FGD5: variants seen among roughly 807,000 people sequenced by gnomAD.
FGD5 encodes the protein FYVE, RhoGEF and PH domain-containing protein 5.
Under a neutral mutation model 133.4 loss-of-function variants are expected in FGD5, and 28 were observed. The ratio of observed to expected loss-of-function variants is 0.21; its 90% CI spans 0.16 to 0.29. The LOEUF is 0.29. Ranked by LOEUF, FGD5 falls within the 10% of genes least tolerant of loss-of-function variation. FGD5 has a pLI of 1.00. For missense variants in FGD5, 1,858 were observed against 1,895.2 expected (o/e 0.98, Z 0.36); for synonymous variants, 810 against 776.5 (o/e 1.04, Z -0.72).
At chr3:14,850,610 G>A (rs575349784) in intron 1 of FGD5, among the ~76,000 whole-genome samples, 3 of 152,300 alleles carry the variant, frequency 2.0e-5, no homozygotes, top group East Asian at 1.9e-4. Flanking sequence ...CCTACTGTGT[G>A]CACTTCATGG....
At chr3:14,916,717 C>T (rs563720466) in intron 11 of FGD5, among the ~76,000 whole-genome samples, 1 of 152,336 alleles carries the variant, frequency 6.6e-6, no homozygotes, top group African/African-American at 2.4e-5. Context: ...TCTCCCAACC[C>T]TGGGGGCCCC....
chr3:14,870,804 A>T (rs1300986969), intron 2 of FGD5, among the ~76,000 whole-genome samples: 1 of 151,920 alleles, frequency 6.6e-6, no homozygotes, highest in Non-Finnish European at 1.5e-5. Flanking sequence ...TCCCATACCA[A>T]GCTCATCCTC....
At chr3:14,829,679 T>C (rs1404922596) in intron 1 of FGD5, among the ~76,000 whole-genome samples, 2 of 152,198 alleles carry the variant, frequency 1.3e-5, no homozygotes, top group Admixed American at 1.3e-4. Context: ...ATTCAGTCTT[T>C]AAGAGTAAAG....
chr3:14,878,194 T>A (rs760313583), intron 2 of FGD5, among the ~76,000 whole-genome samples: 27 of 152,200 alleles, frequency 1.8e-4, no homozygotes, highest in Admixed American at 4.6e-4. Context: ...AGCCAGTGTG[T>A]GAGACCGGGT....
At chr3:14,828,227 A>G (rs2036639583) in intron 1 of FGD5, among the ~76,000 whole-genome samples, 1 of 152,158 alleles carries the variant, frequency 6.6e-6, no homozygotes, top group Non-Finnish European at 1.5e-5. Context: ...ACTGAAATGC[A>G]AGGTAGAAAA....
chr3:14,884,093 C>T (rs931943149), intron 4 of FGD5, among the ~76,000 whole-genome samples: 15 of 152,202 alleles, frequency 9.9e-5, no homozygotes, highest in South Asian at 2.1e-4. Context: ...AGGACCAGAT[C>T]GAGAAGTACC....
chr3:14,860,254 C>G (rs1294689831), intron 1 of FGD5, among the ~76,000 whole-genome samples: 1 of 152,206 alleles, frequency 6.6e-6, no homozygotes, highest in Admixed American at 6.5e-5. Context: ...CCCAATGGCC[C>G]CATCAATGAG....
intron 2 of FGD5, among the ~76,000 whole-genome samples, chr3:14,868,909 T>C (rs562186612): frequency 2.0e-5 from 3 of 152,318 alleles, no homozygotes; most frequent in Non-Finnish European, 4.4e-5. Flanking sequence ...AGTCCCTGCC[T>C]GCCCTGTTGG....
At chr3:14,868,168 C>G (rs900419857) in intron 2 of FGD5, among the ~76,000 whole-genome samples, 14 of 152,206 alleles carry the variant, frequency 9.2e-5, no homozygotes, top group Non-Finnish European at 1.9e-4. Flanking sequence ...CAAAGACTCG[C>G]TGACGTGTCG....
intron 2 of FGD5, among the ~76,000 whole-genome samples, chr3:14,868,182 C>T (rs969866793): frequency 1.3e-5 from 2 of 152,194 alleles, no homozygotes; most frequent in Admixed American, 1.3e-4. Flanking sequence ...CGTGTCGGCC[C>T]TCCCTGACAA....
intron 18 of FGD5, chr3:14,930,973 T>G (rs1270510274): frequency 6.6e-6 from 1 of 151,956 alleles, no homozygotes; most frequent in Non-Finnish European, 1.5e-5. Context: ...AGTTATTTTG[T>G]TTTTTTTCTT....
Position 14,917,384 on chromosome 3 carries a change from G to A in FGD5, c.3489+52G>A. ...GGGTTGGGGGACAGGGAGACCCCAG[G>A]GGAGAAGGGGACAGCATCCTGCTCC... is the stretch of plus-strand genomic sequence containing the variant. On this transcript the variant is annotated intron_variant, in intron 12 of 19. Coordinates refer to ENST00000285046, the MANE Select transcript of FGD5 (RefSeq NM_152536.4). This position sits in a 1 kb window ranked among gnomAD's most constrained non-coding sequence, Gnocchi z 4.1. 5 of 1,522,292 alleles carry A rather than the reference G, an allele frequency of 3.3e-6. No homozygotes were observed. The highest frequency in any genetic ancestry group is 2.4e-5 in the East Asian group (1 of 42,538). 94.3% of individuals were successfully genotyped at this position (1,522,292 alleles called of 1,614,324 possible). A position where few individuals can be genotyped will look rare whatever the true frequency, so the allele number is the denominator to read the frequency against.
intron 1 of FGD5, among the ~76,000 whole-genome samples, chr3:14,842,023 T>A (rs2036932915): frequency 6.6e-6 from 1 of 152,196 alleles, no homozygotes; most frequent in African/African-American, 2.4e-5. Context: ...TGAAAAGGCA[T>A]CCCAGCTTGG....
intron 18 of FGD5, among the ~76,000 whole-genome samples, chr3:14,928,303 C>T (rs1425957855): frequency 6.6e-6 from 1 of 152,052 alleles, no homozygotes; most frequent in Non-Finnish European, 1.5e-5. Context: ...AACTGCTGGT[C>T]TCAAGTGATC....
At chr3:14,908,576 A>T (rs1460581367) in intron 10 of FGD5, among the ~76,000 whole-genome samples, 2 of 152,164 alleles carry the variant, frequency 1.3e-5, no homozygotes, top group African/African-American at 4.8e-5. Flanking sequence ...TTTTAAAGAT[A>T]TTTATATTTT....
At chr3:14,854,928 C>T (rs1009761230) in intron 1 of FGD5, among the ~76,000 whole-genome samples, 20 of 152,268 alleles carry the variant, frequency 1.3e-4, no homozygotes, top group Admixed American at 7.2e-4. Flanking sequence ...CTGTAGTCCT[C>T]CTACAGTGCT....
chr3:14,888,762 G>A (rs1044985598), intron 4 of FGD5, among the ~76,000 whole-genome samples: 2 of 152,186 alleles, frequency 1.3e-5, no homozygotes, highest in African/African-American at 4.8e-5. Context: ...TGAAAGATCA[G>A]CAAGATGTGT....
At chr3:14,903,041 G>A (rs754617007) in intron 9 of FGD5, among the ~76,000 whole-genome samples, 8 of 152,176 alleles carry the variant, frequency 5.3e-5, no homozygotes, top group Non-Finnish European at 7.3e-5. Context: ...TGCTTGGATT[G>A]GGGAGGAGCT....
At position 14,820,326 on chromosome 3, in the gene FGD5, G is replaced by C; in HGVS notation, c.1255G>C (p.Glu419Gln). ...AAPDVVVVLE[E>Q]EALDDALANP... ...CCCTGATGTGGTGGTCGTGCTGGAG[G>C]AGGAGGCCTTGGATGATGCACTGGC... The change falls in exon 1 of 20, where the codon GAG (glutamate) becomes CAG (glutamine). Residue 419 changes from glutamate to glutamine, a missense_variant. By Grantham distance (29) the Glu-to-Gln change is conservative. Coordinates refer to ENST00000285046, the MANE Select transcript of FGD5 (RefSeq NM_152536.4). The C allele has an allele frequency of 1.2e-6, 2 of 1,610,480 alleles. No individual in the cohort carries two copies. The highest frequency in any genetic ancestry group is 2.2e-5 in the South Asian group (2 of 90,658).
Sources: gnomAD v4.1 joint callset for allele counts (sites outside exome capture counted in the v4.1 genomes callset) on GRCh38, gnomAD v4.1.1 for gene constraint, Gnocchi (gnomAD v3.1) non-coding constraint, MANE v1.5 for transcripts, NCBI Gene and HGNC (gene_info 2026-07-23, HGNC 2026-07-21) for gene names.